REXO5: variants seen among roughly 807,000 people sequenced by gnomAD.
REXO5 encodes the protein exonuclease NEF-sp.
A neutral mutation model predicts 88.5 loss-of-function variants in REXO5; 48 were observed. The observed-to-expected ratio is 0.54, with a 90% CI of 0.43 to 0.69. The LOEUF is 0.69. Among genes scored for constraint, REXO5 ranks in the 30% least tolerant of loss-of-function variants. The probability of loss-of-function intolerance (pLI) is 0.00; values close to 1 mark genes in which losing one functional copy is unlikely to be tolerated. For synonymous variants in REXO5, 311 were observed against 336.5 expected, an observed-to-expected ratio of 0.92 and a Z score of 0.83; for missense variants, 749 against 912.2, an observed-to-expected ratio of 0.82 and a Z score of 2.30.
Position 20,840,372 on chromosome 16 carries a change from G to T in REXO5, c.1530G>T (p.Gly510=). Residue 510 remains glycine, a synonymous_variant, in exon 15 of 20, where the codon GGG becomes GGT. Transcript: ENST00000261377. The stretch of plus-strand genomic sequence containing the variant: ...CAGAGATATCAACTGTCTATGCTGG[G>T]CCATTTAGCAAAAATTGCAATCTCA... The part of the protein sequence containing the change: ...KWTEISTVYA[G]PFSKNCNLRA... 6.3e-7 allele frequency: 1 copy of T among 1,583,498 alleles called. No homozygotes were observed. The highest frequency in any genetic ancestry group is 8.6e-7 in the Non-Finnish European group (1 of 1,157,782).
chr16:20,839,889 A>T, intron 14 of REXO5, 30 bp downstream of exon 14: 1 of 1,366,676 alleles, frequency 7.3e-7, no homozygotes, highest in Admixed American at 1.8e-5. Context: ...TGAATGATTT[A>T]TTTAGTGACT....
chr16:20,833,178 C>T, intron 13 of REXO5, 55 bp downstream of exon 13: 18 of 1,534,054 alleles, frequency 1.2e-5, no homozygotes, highest in Admixed American at 1.9e-5. Flanking sequence ...GGGAATGTAG[C>T]CCTTTGCACC....
intron 19 of REXO5, among the ~76,000 whole-genome samples, chr16:20,847,720 A>T (rs898091806): frequency 6.6e-6 from 1 of 152,226 alleles, no homozygotes; most frequent in Non-Finnish European, 1.5e-5. Flanking sequence ...AACAGGTTAA[A>T]AAGTGACCAC....
rs769260754 is a variant in REXO5, at chr16:20,821,907, G to A, written c.616+5G>A. The A allele has an allele frequency of 6.4e-6, 10 of 1,569,208 alleles. No individual in the cohort carries two copies. In the East Asian group the frequency reaches 2.3e-4, roughly 36 times the overall value. On this transcript the variant is annotated splice_donor_5th_base_variant and intron_variant, in intron 6 of 19. Coordinates refer to ENST00000261377, the MANE Select transcript of REXO5 (RefSeq NM_030941.3). Reference sequence around the variant, plus strand: ...CGTTTCACTTTCCATTACAAGGTTGGCTTAGGCTTACTCTGATATTGCTAA... The same window carrying A: ...CGTTTCACTTTCCATTACAAGGTTGACTTAGGCTTACTCTGATATTGCTAA...
At chr16:20,823,084 GT>G (rs2081209724) in intron 6 of REXO5, among the ~76,000 whole-genome samples, 1 of 152,152 alleles carries the variant, frequency 6.6e-6, no homozygotes, top group African/African-American at 2.4e-5. Flanking sequence ...ATCCTAGTGG[GT>G]ATGAAGTGGT....
At chr16:20,846,479 G>A (rs1371649691) in intron 19 of REXO5, 140 bp downstream of exon 19, 19 of 608,854 alleles carry the variant, frequency 3.1e-5, no homozygotes, top group Non-Finnish European at 2.9e-6. Flanking sequence ...CGTTCTAAAA[G>A]ATAGGCATTG....
chr16:20,832,345 CT>C, intron 12 of REXO5, 86 bp downstream of exon 12: 1 of 830,650 alleles, frequency 1.2e-6, no homozygotes, highest in Non-Finnish European at 1.9e-6. Flanking sequence ...TTTTTATCCT[CT>C]TTTGAGTCTA....
At chr16:20,821,678 C>T in intron 5 of REXO5, 84 bp from the exon 6 acceptor site, 1 of 1,281,484 alleles carries the variant, frequency 7.8e-7, no homozygotes, top group Admixed American at 2.7e-5. Context: ...CTTCCTTGTG[C>T]TTAGCCTATA....
At chr16:20,822,287 T>G (rs1210370983) in intron 6 of REXO5, among the ~76,000 whole-genome samples, 3 of 152,232 alleles carry the variant, frequency 2.0e-5, no homozygotes, top group Admixed American at 1.3e-4. Flanking sequence ...TGCCCCCATA[T>G]TTCTTTAACA....
intron 13 of REXO5, among the ~76,000 whole-genome samples, chr16:20,833,781 C>T (rs766020905): frequency 3.2e-4 from 48 of 152,144 alleles, no homozygotes; most frequent in Non-Finnish European, 8.8e-5. Flanking sequence ...CTAAACACTT[C>T]AGAGTGTATT....
intron 7 of REXO5, 33 bp downstream of exon 7, chr16:20,824,560 G>A (rs2152504532): frequency 7.6e-7 from 1 of 1,321,576 alleles, no homozygotes; most frequent in East Asian, 2.3e-5. Context: ...CAATTGGAGT[G>A]TTGCAAGCTG....
At chr16:20,821,943 A>G (rs776225947) in intron 6 of REXO5, 41 bp downstream of exon 6, 4 of 1,493,074 alleles carry the variant, frequency 2.7e-6, no homozygotes, top group Non-Finnish European at 3.6e-6. Context: ...CAATGTAAGA[A>G]TATCTAACAG....
chr16:20,806,868 C>G (rs1302441035), intron 1 of REXO5, 84 bp from the exon 2 acceptor site: 6 of 1,500,156 alleles, frequency 4.0e-6, no homozygotes, highest in East Asian at 4.9e-5. Context: ...CTGTCAAGCC[C>G]GTGTAGCTCT....
intron 2 of REXO5, among the ~76,000 whole-genome samples, chr16:20,810,553 A>G (rs1041261123): frequency 6.6e-6 from 1 of 151,828 alleles, no homozygotes; most frequent in Non-Finnish European, 1.5e-5. Flanking sequence ...GGCACCCACC[A>G]CCACGCCTGG....
chr16:20,811,741 G>C (rs1488825681), intron 2 of REXO5, among the ~76,000 whole-genome samples: 1 of 152,194 alleles, frequency 6.6e-6, no homozygotes, highest in Admixed American at 6.5e-5. Context: ...TCAGAACTGT[G>C]TTTCGCTAAT....
chr16:20,813,358 T>TAGGGCCTGAGTCTCGC, intron 3 of REXO5, 56 bp downstream of exon 3: 1 of 894,898 alleles, frequency 1.1e-6, no homozygotes, highest in Non-Finnish European at 1.7e-6. Context: ...TTTTTTTTTT[T>TAGGGCCTGAGTCTCGC]TTTTTTACCT....
At chr16:20,833,171 A>C in intron 13 of REXO5, 48 bp downstream of exon 13, 1 of 1,576,106 alleles carries the variant, frequency 6.3e-7, no homozygotes, top group East Asian at 2.3e-5. Flanking sequence ...AGCAGAGGGG[A>C]ATGTAGCCCT....
chr16:20,841,437 A>C (rs942107217), intron 15 of REXO5, among the ~76,000 whole-genome samples: 3 of 152,130 alleles, frequency 2.0e-5, no homozygotes, highest in African/African-American at 7.2e-5. Context: ...CAGCTAGCTA[A>C]TGGGATTAGG....
intron 2 of REXO5, among the ~76,000 whole-genome samples, chr16:20,812,492 T>C (rs2081014970): frequency 6.6e-6 from 1 of 152,082 alleles, no homozygotes; most frequent in African/African-American, 2.4e-5. Flanking sequence ...GCCACTGTAC[T>C]CCATCCTGGG....
Sources: allele counts gnomAD v4.1 joint callset (sites outside exome capture counted in the v4.1 genomes callset), GRCh38; gene constraint gnomAD v4.1.1; transcripts MANE v1.5; gene names NCBI Gene and HGNC (gene_info 2026-07-23, HGNC 2026-07-21).